The following ANO5 variants were observed in gnomAD, a reference collection of about 807,000 sequenced individuals.
ANO5 encodes the protein anoctamin 5.
Under a neutral mutation model 121.0 loss-of-function variants are expected in ANO5, and 109 were observed. The observed-to-expected ratio is 0.90, with a 90% CI of 0.77 to 1.06. The LOEUF (loss-of-function observed/expected upper bound fraction) is 1.06, where lower values mean the gene tolerates loss of function less well. Among genes scored for constraint, ANO5 ranks in the 50% least tolerant of loss-of-function variants. ANO5 has a pLI of 0.00. For synonymous variants in ANO5, 406 were observed against 359.9 expected (o/e 1.13, Z -1.45); for missense variants, 1,064 against 1,078.5 (o/e 0.99, Z 0.19).
chr11:22,262,807 C>A, intron 16 of ANO5, 139 bp from the exon 17 acceptor site: 1 of 717,254 alleles, frequency 1.4e-6, no homozygotes, highest in Non-Finnish European at 2.5e-6. Context: ...AGGTTTGGAA[C>A]TATTGGGCTA....
chr11:22,227,163 GT>G (rs1289470907), intron 6 of ANO5, 138 bp from the exon 7 acceptor site: 2 of 1,166,850 alleles, frequency 1.7e-6, no homozygotes, highest in African/African-American at 3.2e-5. Flanking sequence ...TTTTCTCAAA[GT>G]TTTGCCTGAA....
intron 17 of ANO5, among the ~76,000 whole-genome samples, chr11:22,264,137 C>T (rs1444074485): frequency 2.7e-5 from 4 of 150,424 alleles, no homozygotes; most frequent in Admixed American, 6.7e-5. Flanking sequence ...AATTTTCCTG[C>T]TTCAGTCTCC....
At chr11:22,194,087 A>T (rs1284143925) in intron 1 of ANO5, among the ~76,000 whole-genome samples, 1 of 152,200 alleles carries the variant, frequency 6.6e-6, no homozygotes, top group South Asian at 2.1e-4. Flanking sequence ...AGCCATAGGC[A>T]CTTGGAAAAG....
chr11:22,265,963 C>T (rs1412325763), intron 17 of ANO5, among the ~76,000 whole-genome samples: 1 of 152,034 alleles, frequency 6.6e-6, no homozygotes, highest in African/African-American at 2.4e-5. Context: ...CCAAATATGA[C>T]CATTTAATTT....
rs1853791313 is a variant in ANO5, at chr11:22,250,849, A to G, written c.1119+3A>G. The G allele has an allele frequency of 1.9e-6, 3 of 1,613,120 alleles. No individual in the cohort carries two copies. The East Asian group carries it at 6.7e-5, about 36-fold the overall frequency. The stretch of plus-strand genomic sequence containing the variant: ...ATAGTACGTGTTTGGCTTCAAAGGT[A>G]TGTATGCATTGTAACATGTTGAAAA... On this transcript the variant is annotated splice_donor_region_variant and intron_variant, in intron 11 of 21. Coordinates refer to ENST00000324559, the MANE Select transcript of ANO5 (RefSeq NM_213599.3).
chr11:22,202,333 A>G (rs1222878924), intron 1 of ANO5, among the ~76,000 whole-genome samples: 2 of 152,138 alleles, frequency 1.3e-5, no homozygotes, highest in African/African-American at 4.8e-5. Context: ...TCTGTCAAGT[A>G]TAAATTTATG....
chr11:22,257,205 A>C (rs887188874), intron 13 of ANO5, among the ~76,000 whole-genome samples: 1 of 152,136 alleles, frequency 6.6e-6, no homozygotes, highest in African/African-American at 2.4e-5. Context: ...TAACTCCTAA[A>C]GACTAAAGGT....
intron 8 of ANO5, 111 bp from the exon 9 acceptor site, chr11:22,239,458 T>C: frequency 2.6e-6 from 2 of 762,730 alleles, no homozygotes; most frequent in Admixed American, 3.9e-5. Context: ...AATCTAAAAG[T>C]AAAAGAAAAC....
intron 6 of ANO5, among the ~76,000 whole-genome samples, chr11:22,226,912 T>C (rs538902952): frequency 1.3e-5 from 2 of 152,234 alleles, no homozygotes; most frequent in African/African-American, 4.8e-5. Context: ...GTATCACTTA[T>C]ATAACGTAAG....
chr11:22,258,850 A>T (rs74345178), intron 14 of ANO5, among the ~76,000 whole-genome samples: 1 of 152,098 alleles, frequency 6.6e-6, no homozygotes, highest in African/African-American at 2.4e-5. Context: ...AATGCAAAAG[A>T]AGGCTGGGCG....
intron 9 of ANO5, among the ~76,000 whole-genome samples, chr11:22,240,795 A>G (rs1185934057): frequency 2.1e-5 from 2 of 94,350 alleles, no homozygotes; most frequent in African/African-American, 5.8e-5. Context: ...GTTCCTGCAT[A>G]AAAAAGCAGA....
intron 17 of ANO5, among the ~76,000 whole-genome samples, chr11:22,268,986 A>C (rs1314815556): frequency 6.6e-6 from 1 of 152,078 alleles, no homozygotes; most frequent in Non-Finnish European, 1.5e-5. Flanking sequence ...CCTGAGTGGC[A>C]GAGTGAGACC....
intron 4 of ANO5, among the ~76,000 whole-genome samples, chr11:22,218,964 TATAAAC>T (rs1852551803): frequency 6.6e-6 from 1 of 152,048 alleles, no homozygotes; most frequent in Admixed American, 6.6e-5. Context: ...ACAAATCAAA[TATAAAC>T]ATAAACAAAT....
chr11:22,259,523 C>T lies in ANO5; in HGVS notation c.1412C>T (p.Ser471Phe), dbSNP rs762126536. 2 of 1,614,002 alleles carry T rather than the reference C, an allele frequency of 1.2e-6. No homozygotes were observed. The highest frequency in any genetic ancestry group is 2.2e-5 in the South Asian group (2 of 91,076). Residue 471 changes from serine (S) to phenylalanine (F), a missense_variant, in exon 15 of 22, where the codon TCT becomes TTT. Physicochemically the swap from Ser to Phe is radical, Grantham distance 155. Coordinates refer to ENST00000324559, the MANE Select transcript of ANO5 (RefSeq NM_213599.3). ...LSGATVTLWM[S>F]LVVTSMVAVI... ...TTCTTTGTTTTCCTTTCCCAGATGT[C>T]TCTTGTCGTCACCAGTATGGTAGCT...
chr11:22,247,931 C>A (rs1853677078), intron 9 of ANO5, among the ~76,000 whole-genome samples: 1 of 151,754 alleles, frequency 6.6e-6, no homozygotes, highest in Admixed American at 6.6e-5. Context: ...TGCTTAGAAA[C>A]AAAATTGAAA....
Position 22,257,729 on chromosome 11 carries a change from T to C in ANO5, c.1382T>C (p.Leu461Pro). 2 of 1,612,618 alleles carry C rather than the reference T, an allele frequency of 1.2e-6. No individual in the cohort carries two copies. Among genetic ancestry groups the C allele is most frequent in the Non-Finnish European group, 1.7e-6 (2 of 1,178,762 alleles). The change falls in exon 14 of 22, where the codon CTT becomes CCT. Residue 461 changes from leucine to proline, a missense_variant. By Grantham distance (98) the Leu-to-Pro change is moderately conservative (BLOSUM62 -3). Coordinates refer to ENST00000324559, the MANE Select transcript of ANO5 (RefSeq NM_213599.3). ...PLYTRIPWYFLSGATVTLWMS... is the reference protein window; with the variant it reads ...PLYTRIPWYFPSGATVTLWMS... ...TACACGCGTATTCCATGGTACTTTC[T>C]TTCAGGAGCCACAGTGACATTATGG...
intron 8 of ANO5, among the ~76,000 whole-genome samples, chr11:22,237,235 T>C (rs2133653362): frequency 6.6e-6 from 1 of 152,294 alleles, no homozygotes; most frequent in East Asian, 1.9e-4. Context: ...AAGAAACAAA[T>C]ATTTCAATTG....
intron 7 of ANO5, among the ~76,000 whole-genome samples, chr11:22,231,905 C>T (rs528085045): frequency 8.6e-5 from 13 of 151,948 alleles, no homozygotes; most frequent in South Asian, 4.1e-4. Context: ...TCTTAATGGA[C>T]GCATAAAATG....
rs779433227 is a variant in ANO5 at position 22,250,908 on chromosome 11, G to C, written c.1120-43G>C. On this transcript the variant is annotated intron_variant, in intron 11 of 21. Coordinates refer to ENST00000324559, the MANE Select transcript of ANO5 (RefSeq NM_213599.3). ...ATTTTCCTCCTTTTTATTACATTTA[G>C]TACTAAATTATCTTTGTGATATTGT... The C allele has an allele frequency of 1.9e-6, 3 of 1,608,442 alleles. No individual in the cohort carries two copies. In the East Asian group the frequency reaches 6.7e-5, roughly 36 times the overall value.
Sources: gnomAD v4.1 joint callset for allele counts (sites outside exome capture counted in the v4.1 genomes callset) on GRCh38, gnomAD v4.1.1 for gene constraint, MANE v1.5 for transcripts, NCBI Gene and HGNC (gene_info 2026-07-23, HGNC 2026-07-21) for gene names.